Variants in HOMER1 observed in about 807,000 individuals in gnomAD.
The protein encoded by HOMER1 is homer protein homolog 1.
Under a neutral mutation model 48.9 loss-of-function variants are expected in HOMER1, and 3 were observed. That is an observed-to-expected ratio of 0.06 (90% CI 0.03 to 0.16). The LOEUF is 0.16. HOMER1 is among the 10% of genes least tolerant of loss of function. The pLI is 1.00. For missense variants in HOMER1, 247 were observed against 411.4 expected, an observed-to-expected ratio of 0.60 and a Z score of 3.46; for synonymous variants, 134 against 146.4, an observed-to-expected ratio of 0.92 and a Z score of 0.61.
chr5:79,394,795 C>T (rs532815982), intron 8 of HOMER1, among the ~76,000 whole-genome samples: 1 of 152,176 alleles, frequency 6.6e-6, no homozygotes, highest in South Asian at 2.1e-4. Context: ...GCCTTGAACT[C>T]CTGGCCTCAA....
At chr5:79,438,288 T>C (rs916339216) in intron 5 of HOMER1, among the ~76,000 whole-genome samples, 2 of 152,362 alleles carry the variant, frequency 1.3e-5, no homozygotes, top group African/African-American at 2.4e-5. Context: ...AGATGACTGA[T>C]AGGTACTTGT....
chr5:79,479,260 G>A (rs1480017388), intron 1 of HOMER1, among the ~76,000 whole-genome samples: 3 of 152,140 alleles, frequency 2.0e-5, no homozygotes, highest in Non-Finnish European at 4.4e-5. Flanking sequence ...AATGTAGAAG[G>A]CTGAATAATG....
intron 3 of HOMER1, among the ~76,000 whole-genome samples, chr5:79,448,977 A>T (rs4703775): frequency 0.23 from 31,966 of 138,360 alleles, 3,683 homozygotes; most frequent in East Asian, 0.47. Context: ...AAAAAAAATT[A>T]AAAAAAAAAA....
At chr5:79,471,030 A>G (rs1751600059) in intron 1 of HOMER1, among the ~76,000 whole-genome samples, 1 of 152,206 alleles carries the variant, frequency 6.6e-6, no homozygotes, top group East Asian at 1.9e-4. Flanking sequence ...TAGCATTGAA[A>G]TACTCTAGGA....
In HOMER1 at chr5:79,383,986, T is replaced by C. The variant is rs1398335360; in HGVS notation, c.877-7789A>G. ...CAGAAATACAACATACCAAAACCCA[T>C]GTGACACAGCAAAAGTAAAAGCAGT... On this transcript the variant is annotated intron_variant, in intron 8 of 8. Transcript: ENST00000334082. 3.3e-5 allele frequency among the ~76,000 whole-genome samples: 5 copies of C among 151,374 alleles called. 1 individual carries two copies. The highest frequency in any genetic ancestry group is 1.3e-4 in the Admixed American group (2 of 15,208).
chr5:79,415,251 G>A (rs1350554190), intron 5 of HOMER1, among the ~76,000 whole-genome samples: 4 of 151,570 alleles, frequency 2.6e-5, no homozygotes, highest in African/African-American at 9.7e-5. Context: ...GTAGAGACAG[G>A]GTTTCTCTAT....
At chr5:79,473,273 G>T (rs1188049305) in intron 1 of HOMER1, among the ~76,000 whole-genome samples, 2 of 152,172 alleles carry the variant, frequency 1.3e-5, no homozygotes, top group Non-Finnish European at 2.9e-5. Flanking sequence ...TTTGAATGTG[G>T]CCCAACACAA....
intron 4 of HOMER1, among the ~76,000 whole-genome samples, chr5:79,441,605 A>G (rs1319151643): frequency 6.6e-6 from 1 of 152,184 alleles, no homozygotes; most frequent in South Asian, 2.1e-4. Context: ...AAAGTAAAAA[A>G]CAAAAAGCCC....
intron 5 of HOMER1, among the ~76,000 whole-genome samples, chr5:79,425,349 CCATAAAAAGGCAAAAT>C (rs1335617409): frequency 6.6e-6 from 1 of 151,564 alleles, no homozygotes; most frequent in African/African-American, 2.4e-5. Context: ...TCCAGCTTTT[CCATAAAAAGGCAAAAT>C]GTTCAAGCAG....
intron 1 of HOMER1, among the ~76,000 whole-genome samples, chr5:79,476,950 G>A (rs1028381818): frequency 2.0e-5 from 3 of 152,172 alleles, no homozygotes; most frequent in Admixed American, 6.5e-5. Flanking sequence ...CTTCTCTAGA[G>A]TATGGGGTAG....
chr5:79,460,197 T>C (rs1751281295), intron 1 of HOMER1, among the ~76,000 whole-genome samples: 2 of 152,078 alleles, frequency 1.3e-5, no homozygotes, highest in South Asian at 2.1e-4. Flanking sequence ...CCACGTGTGG[T>C]GGCTCACACC....
chr5:79,390,686 G>A (rs1416961753), intron 8 of HOMER1, among the ~76,000 whole-genome samples: 1 of 151,958 alleles, frequency 6.6e-6, no homozygotes, highest in Non-Finnish European at 1.5e-5. Flanking sequence ...TTATGTCACC[G>A]AAAAAGCAGC....
At chr5:79,379,261 A>G (rs1459191754) in intron 8 of HOMER1, among the ~76,000 whole-genome samples, 1 of 101,226 alleles carries the variant, frequency 9.9e-6, no homozygotes, top group African/African-American at 4.0e-5. Context: ...TCTATTATAT[A>G]TATTATATAT....
intron 6 of HOMER1, among the ~76,000 whole-genome samples, chr5:79,398,585 C>T (rs1463920040): frequency 6.6e-6 from 1 of 152,128 alleles, no homozygotes; most frequent in Admixed American, 6.6e-5. Flanking sequence ...AACAGCCTCC[C>T]AGTGGACTTA....
chr5:79,449,630 AC>A (rs1327342021), intron 3 of HOMER1, among the ~76,000 whole-genome samples: 1 of 151,902 alleles, frequency 6.6e-6, no homozygotes, highest in Non-Finnish European at 1.5e-5. Context: ...GTGCCACCAC[AC>A]CCAGCTAATT....
chr5:79,379,255 TTATA>T (rs1260951864), intron 8 of HOMER1, among the ~76,000 whole-genome samples: 13 of 70,540 alleles, frequency 1.8e-4, no homozygotes, highest in African/African-American at 6.5e-4. Flanking sequence ...TATATATCTA[TTATA>T]TATATTATAT....
At chr5:79,404,739 T>C (rs911260719) in intron 5 of HOMER1, among the ~76,000 whole-genome samples, 2 of 152,130 alleles carry the variant, frequency 1.3e-5, no homozygotes, top group Non-Finnish European at 2.9e-5. Flanking sequence ...AGTTTCGCTC[T>C]TGTTGCCCAG....
At chr5:79,394,279 C>T (rs896643569) in intron 8 of HOMER1, among the ~76,000 whole-genome samples, 3 of 152,230 alleles carry the variant, frequency 2.0e-5, no homozygotes, top group African/African-American at 7.2e-5. Context: ...ATTTTCTGTA[C>T]TGAACTTATG....
chr5:79,470,080 T>C (rs1358385897), intron 1 of HOMER1, among the ~76,000 whole-genome samples: 1 of 152,180 alleles, frequency 6.6e-6, no homozygotes, highest in African/African-American at 2.4e-5. Flanking sequence ...GCCTTTTCCC[T>C]ATTTAGCTTT....
Sources: allele counts gnomAD v4.1 joint callset (sites outside exome capture counted in the v4.1 genomes callset), GRCh38; gene constraint gnomAD v4.1.1; transcripts MANE v1.5; gene names NCBI Gene and HGNC (gene_info 2026-07-23, HGNC 2026-07-21).